Variants in ANK3 observed in about 807,000 individuals in gnomAD.
ANK3 encodes the protein ankyrin 3, also known as ankyrin-3.
Under a neutral mutation model 370.9 loss-of-function variants are expected in ANK3, and 57 were observed. The observed-to-expected ratio is 0.15, with a 90% CI of 0.12 to 0.19. ANK3 has a LOEUF of 0.19. Among genes scored for constraint, ANK3 ranks in the 10% least tolerant of loss-of-function variants. ANK3 has a pLI of 1.00. For synonymous variants in ANK3, 1,929 were observed against 1,946.3 expected (o/e 0.99, Z 0.23); for missense variants, 4,439 against 5,302.1 (o/e 0.84, Z 5.06).
intron 2 of ANK3, among the ~76,000 whole-genome samples, chr10:60,578,584 G>T (rs1412314363): frequency 1.3e-5 from 2 of 152,170 alleles, no homozygotes. Flanking sequence ...AAATGACTAA[G>T]AACTAAGGCT....
intron 2 of ANK3, among the ~76,000 whole-genome samples, chr10:60,455,270 C>A (rs150774476): frequency 5.9e-5 from 9 of 152,088 alleles, no homozygotes; most frequent in African/African-American, 2.2e-4. Flanking sequence ...TTTGTCTCAG[C>A]GCTGCATGTT....
chr10:60,039,478 A>G (rs1244605761), intron 43 of ANK3, among the ~76,000 whole-genome samples: 1 of 152,208 alleles, frequency 6.6e-6, no homozygotes, highest in Non-Finnish European at 1.5e-5. Context: ...ATAAAAAACT[A>G]TGAGTCCTTT....
In ANK3 at chr10:60,071,969, A is replaced by G; in HGVS notation, c.8912T>C (p.Leu2971Pro). Residue 2971 changes from leucine (L) to proline (P), a missense_variant, in exon 37 of 44, where the codon CTG becomes CCG. Physicochemically the swap from Leu to Pro is moderately conservative, Grantham distance 98. Transcript: ENST00000280772. ...AAAACCATCGGGAATATTAGAAGAC[A>G]GCATTCTCCTCTCATCAGCAACTCT... The part of the protein sequence containing the change: ...PVRVADERRM[L>P]SSNIPDGFCE... 4 of 1,614,102 alleles carry G rather than the reference A, an allele frequency of 2.5e-6. No homozygotes were observed. The highest frequency in any genetic ancestry group is 3.4e-6 in the Non-Finnish European group (4 of 1,179,996).
chr10:60,236,060 C>CA (rs1438715025), intron 7 of ANK3, among the ~76,000 whole-genome samples: 3 of 151,762 alleles, frequency 2.0e-5, no homozygotes, highest in Non-Finnish European at 2.9e-5. Context: ...AAAGTTTGGG[C>CA]AAAAAAACAT....
intron 1 of ANK3, among the ~76,000 whole-genome samples, chr10:60,673,250 G>T (rs2079084408): frequency 6.6e-6 from 1 of 151,976 alleles, no homozygotes; most frequent in African/African-American, 2.4e-5. Flanking sequence ...AGATTAGAAG[G>T]TCCCATTCCT....
chr10:60,314,869 T>C (rs1205081968), intron 1 of ANK3, among the ~76,000 whole-genome samples: 1 of 152,184 alleles, frequency 6.6e-6, no homozygotes, highest in African/African-American at 2.4e-5. Context: ...ACATAAACTA[T>C]GAAGGGAAGA....
chr10:60,247,512 G>T (rs867923576), intron 7 of ANK3, among the ~76,000 whole-genome samples: 5 of 152,040 alleles, frequency 3.3e-5, no homozygotes, highest in African/African-American at 1.2e-4. Flanking sequence ...CATTAGCTAC[G>T]CCTATGCCCC....
At chr10:60,196,085 G>A in intron 16 of ANK3, 60 bp downstream of exon 16, 1 of 1,435,428 alleles carries the variant, frequency 7.0e-7, no homozygotes, top group Non-Finnish European at 9.7e-7. Flanking sequence ...AAGTAGATGT[G>A]CAGATAGAGA....
chr10:60,114,139 G>A (rs2092920008), intron 26 of ANK3, 86 bp downstream of exon 26: 1 of 599,840 alleles, frequency 1.7e-6, no homozygotes, highest in African/African-American at 1.9e-5. Context: ...TATATATGAA[G>A]CTTGTTGATG....
At chr10:60,188,568 G>C (rs1591478163) in intron 16 of ANK3, among the ~76,000 whole-genome samples, 1 of 152,246 alleles carries the variant, frequency 6.6e-6, no homozygotes, top group Admixed American at 6.5e-5. Flanking sequence ...AGAGGGTTTT[G>C]AGGGGCTGCT....
At chr10:60,452,234 T>G (rs1294348581) in intron 2 of ANK3, among the ~76,000 whole-genome samples, 1 of 152,206 alleles carries the variant, frequency 6.6e-6, no homozygotes, top group Non-Finnish European at 1.5e-5. Flanking sequence ...AGGTACAAAT[T>G]TCAAGGAACT....
chr10:60,653,146 T>A (rs1322725015), intron 1 of ANK3, among the ~76,000 whole-genome samples: 1 of 152,184 alleles, frequency 6.6e-6, no homozygotes, highest in Non-Finnish European at 1.5e-5. Context: ...AAAGTTTTTA[T>A]CCTGAGAGTA....
intron 7 of ANK3, among the ~76,000 whole-genome samples, chr10:60,255,728 G>A (rs957779650): frequency 6.6e-6 from 1 of 152,124 alleles, no homozygotes; most frequent in Non-Finnish European, 1.5e-5. Flanking sequence ...ATGGACATGC[G>A]ATATATCTGT....
intron 23 of ANK3, among the ~76,000 whole-genome samples, chr10:60,145,130 T>A (rs2094751950): frequency 6.6e-6 from 1 of 152,206 alleles, no homozygotes; most frequent in Admixed American, 6.6e-5. Context: ...TTAGAAACTT[T>A]GCTCAAAAGT....
At chr10:60,256,939 C>A (rs2097747906) in intron 7 of ANK3, among the ~76,000 whole-genome samples, 1 of 152,150 alleles carries the variant, frequency 6.6e-6, no homozygotes, top group African/African-American at 2.4e-5. Flanking sequence ...AACATGTGAA[C>A]ACGTATTTTT....
intron 43 of ANK3, among the ~76,000 whole-genome samples, chr10:60,034,259 A>G (rs2074419432): frequency 6.6e-6 from 1 of 150,704 alleles, no homozygotes; most frequent in South Asian, 2.1e-4. Flanking sequence ...GGCGCCCACC[A>G]CCATGCCTGG....
chr10:60,627,893 C>T (rs2078433092), intron 1 of ANK3, among the ~76,000 whole-genome samples: 1 of 151,896 alleles, frequency 6.6e-6, no homozygotes, highest in South Asian at 2.1e-4. Flanking sequence ...GAAACTGAGC[C>T]CTGGAGAGGT....
chr10:60,224,919 T>C (rs899767060), intron 8 of ANK3, among the ~76,000 whole-genome samples: 2 of 141,972 alleles, frequency 1.4e-5, no homozygotes, highest in African/African-American at 5.2e-5. Flanking sequence ...CTTTCTTTTT[T>C]TTTTCTTTTT....
intron 1 of ANK3, among the ~76,000 whole-genome samples, chr10:60,692,589 T>C (rs1047473939): frequency 2.0e-5 from 3 of 152,220 alleles, no homozygotes; most frequent in African/African-American, 7.2e-5. Context: ...TCTTTTCTAC[T>C]CTGAATTTTT....
Sources: allele counts gnomAD v4.1 joint callset (sites outside exome capture counted in the v4.1 genomes callset), GRCh38; gene constraint gnomAD v4.1.1; transcripts MANE v1.5; gene names NCBI Gene and HGNC (gene_info 2026-07-23, HGNC 2026-07-21).